Variants in RNF38 observed in about 807,000 individuals in gnomAD.
RNF38 encodes ring finger protein 38.
A neutral mutation model predicts 67.2 loss-of-function variants in RNF38; 15 were observed. That is an observed-to-expected ratio of 0.22 (90% CI 0.15 to 0.34). RNF38 has a LOEUF of 0.34. Among genes scored for constraint, RNF38 ranks in the 10% least tolerant of loss-of-function variants. The pLI, the probability that RNF38 is intolerant of heterozygous loss-of-function variation, is 1.00. For missense variants in RNF38, 524 were observed against 639.9 expected (o/e 0.82, Z 1.95); for synonymous variants, 220 against 218.8 (o/e 1.01, Z -0.05).
intron 4 of RNF38, among the ~76,000 whole-genome samples, chr9:36,367,878 G>A (rs1835095609): frequency 6.6e-6 from 1 of 152,186 alleles, no homozygotes; most frequent in Non-Finnish European, 1.5e-5. Flanking sequence ...TTGAGATGGA[G>A]TCTCGCTCTG....
chr9:36,477,584 G>A (rs989991678), intron 1 of RNF38, among the ~76,000 whole-genome samples: 2 of 151,938 alleles, frequency 1.3e-5, no homozygotes, highest in African/African-American at 4.8e-5. Context: ...CACTTTGGGA[G>A]GCTGAGGCAG....
intron 2 of RNF38, among the ~76,000 whole-genome samples, chr9:36,408,685 G>A (rs1191007741): frequency 1.3e-5 from 2 of 152,234 alleles, no homozygotes; most frequent in East Asian, 3.9e-4. Context: ...ATGGGTCAAA[G>A]GACTGGCTGG....
In RNF38 at chr9:36,414,847, G is replaced by A. The variant is rs761270819; in HGVS notation, n.312+9766C>T. 7.2e-5 allele frequency among the ~76,000 whole-genome samples: 11 copies of A among 152,134 alleles called. No individual in the cohort carries two copies. In the East Asian group the frequency reaches 1.7e-3, roughly 24 times the overall value. On this transcript the variant is annotated intron_variant and non_coding_transcript_variant, in intron 2 of 3. Transcript: ENST00000488058. The stretch of plus-strand genomic sequence containing the variant: ...TCACTGGATACAAAATTCGTGGCTG[G>A]TAATTGTTTTGTTTAAGGAGGCTAA...
chr9:36,473,988 G>GGA (rs1840063304), intron 1 of RNF38, among the ~76,000 whole-genome samples: 1 of 72,754 alleles, frequency 1.4e-5, no homozygotes. Context: ...TCCATCTCGG[G>GGA]AAAAAAAAAA....
At chr9:36,415,631 T>C (rs1295960362) in intron 2 of RNF38, among the ~76,000 whole-genome samples, 1 of 152,102 alleles carries the variant, frequency 6.6e-6, no homozygotes, top group Non-Finnish European at 1.5e-5. Context: ...GGGTCCGGGC[T>C]GGTACTGGGG....
At chr9:36,394,808 T>TATTCC in intron 1 of RNF38, among the ~76,000 whole-genome samples, 1 of 152,368 alleles carries the variant, frequency 6.6e-6, no homozygotes, top group Non-Finnish European at 1.5e-5. Flanking sequence ...AAGTATCAAC[T>TATTCC]ATTCCACCAG....
intron 2 of RNF38, among the ~76,000 whole-genome samples, chr9:36,412,625 G>A (rs1188941486): frequency 1.3e-5 from 2 of 152,180 alleles, no homozygotes; most frequent in African/African-American, 4.8e-5. Flanking sequence ...GGTAGTCCAC[G>A]AAAGATCTGG....
intron 1 of RNF38, among the ~76,000 whole-genome samples, chr9:36,458,494 C>T (rs1839645820): frequency 6.6e-6 from 1 of 152,220 alleles, no homozygotes; most frequent in Admixed American, 6.5e-5. Flanking sequence ...ACACACACCA[C>T]AAGCGTCCGC....
chr9:36,393,040 C>T (rs1837230714), intron 1 of RNF38, among the ~76,000 whole-genome samples: 1 of 152,218 alleles, frequency 6.6e-6, no homozygotes, highest in Non-Finnish European at 1.5e-5. Context: ...ATGTAGGAAT[C>T]TTTTTGCATC....
intron 2 of RNF38, among the ~76,000 whole-genome samples, chr9:36,408,494 T>C (rs940306346): frequency 6.6e-6 from 1 of 152,164 alleles, no homozygotes; most frequent in African/African-American, 2.4e-5. Flanking sequence ...ATACTTTTAG[T>C]GAAGCCATAT....
At chr9:36,340,139 C>T (rs1043906468) in intron 11 of RNF38, among the ~76,000 whole-genome samples, 1 of 152,134 alleles carries the variant, frequency 6.6e-6, no homozygotes, top group Non-Finnish European at 1.5e-5. Context: ...ACCACCATGC[C>T]TGGCTAATTT....
At chr9:36,434,396 T>A (rs1423402478) in intron 1 of RNF38, among the ~76,000 whole-genome samples, 1 of 151,364 alleles carries the variant, frequency 6.6e-6, no homozygotes, top group Non-Finnish European at 1.5e-5. Flanking sequence ...AGGACTTTTA[T>A]TTTTTGAGAT....
At chr9:36,404,167 C>T (rs116440676), upstream of RNF38, among the ~76,000 whole-genome samples, 543 of 152,308 alleles carry the variant, frequency 3.6e-3, 5 homozygotes, top group African/African-American at 0.012. Context: ...CTTCCCCATA[C>T]GGACATCTAC....
intron 1 of RNF38, among the ~76,000 whole-genome samples, chr9:36,473,575 C>T (rs557993870): frequency 5.4e-4 from 82 of 151,450 alleles, no homozygotes; most frequent in African/African-American, 1.9e-3. Flanking sequence ...GCAACAAGAG[C>T]GAAACTCCGT....
intron 6 of RNF38, among the ~76,000 whole-genome samples, chr9:36,355,593 A>G (rs1279225519): frequency 2.6e-5 from 4 of 152,190 alleles, no homozygotes; most frequent in Non-Finnish European, 5.9e-5. Flanking sequence ...AACAAGTATT[A>G]ATAATTTTAT....
chr9:36,423,928 G>T (rs1221572722), intron 2 of RNF38, among the ~76,000 whole-genome samples: 1 of 19,320 alleles, frequency 5.2e-5, no homozygotes. Context: ...CAGCCTGGGC[G>T]ACAGAGCGAG....
intron 2 of RNF38, among the ~76,000 whole-genome samples, chr9:36,412,954 C>A (rs1343662050): frequency 6.6e-6 from 1 of 152,080 alleles, no homozygotes; most frequent in African/African-American, 2.4e-5. Flanking sequence ...TGCCTATAGT[C>A]CCAGCTACTC....
At chr9:36,396,990 C>T (rs927932599) in intron 1 of RNF38, among the ~76,000 whole-genome samples, 8 of 139,210 alleles carry the variant, frequency 5.7e-5, no homozygotes, top group Non-Finnish European at 1.2e-4. Flanking sequence ...CACTACACAA[C>T]GGTCACAATT....
intron 1 of RNF38, among the ~76,000 whole-genome samples, chr9:36,460,262 T>C (rs1170906811): frequency 6.6e-6 from 1 of 152,114 alleles, no homozygotes; most frequent in African/African-American, 2.4e-5. Flanking sequence ...TTGGCACAAC[T>C]GATGGTTTAC....
Sources: allele counts gnomAD v4.1 joint callset (sites outside exome capture counted in the v4.1 genomes callset), GRCh38; gene constraint gnomAD v4.1.1; transcripts MANE v1.5; gene names NCBI Gene and HGNC (gene_info 2026-07-23, HGNC 2026-07-21).